Variants in NSG2 observed in about 807,000 individuals in gnomAD.
The protein encoded by NSG2 is neuronal vesicle trafficking associated 2, also known as neuronal vesicle trafficking-associated protein 2.
In NSG2, 4 loss-of-function variants were observed where a neutral mutation model predicts 16.9. That is an observed-to-expected ratio of 0.24 (90% CI 0.12 to 0.54). The LOEUF is 0.54. Ranked by LOEUF, NSG2 falls within the 20% of genes least tolerant of loss-of-function variation. NSG2 has a pLI of 0.95. For synonymous variants in NSG2, 98 were observed against 88.7 expected (o/e 1.11, Z -0.59); for missense variants, 179 against 221.1 (o/e 0.81, Z 1.21).
chr5:174,084,874 C>T (rs1201623008), intron 3 of NSG2, among the ~76,000 whole-genome samples: 3 of 152,208 alleles, frequency 2.0e-5, no homozygotes, highest in Non-Finnish European at 4.4e-5. Flanking sequence ...TCTCTGTGGC[C>T]TTGCAGGCTG....
At chr5:174,070,787 G>C (rs892352586) in intron 3 of NSG2, among the ~76,000 whole-genome samples, 2 of 152,110 alleles carry the variant, frequency 1.3e-5, no homozygotes, top group Non-Finnish European at 2.9e-5. Flanking sequence ...ACTGTCCTCT[G>C]CCTGGCCTAT....
intron 3 of NSG2, among the ~76,000 whole-genome samples, chr5:174,065,308 A>T (rs575692117): frequency 6.6e-6 from 1 of 151,222 alleles, no homozygotes; most frequent in South Asian, 2.1e-4. Context: ...AGCCTGGATG[A>T]CAGAGCAAGA....
At chr5:174,092,799 C>T (rs1050899458) in intron 3 of NSG2, among the ~76,000 whole-genome samples, 5 of 152,046 alleles carry the variant, frequency 3.3e-5, no homozygotes, top group East Asian at 1.9e-4. Context: ...GGCCCAGACT[C>T]GGCACGTGAG....
chr5:174,102,272 C>T (rs971732966), intron 3 of NSG2, among the ~76,000 whole-genome samples: 2 of 152,188 alleles, frequency 1.3e-5, no homozygotes, highest in African/African-American at 4.8e-5. Flanking sequence ...CAACAGACAA[C>T]TCCATATTTT....
chr5:174,057,519 T>C (rs1158026517), intron 2 of NSG2, among the ~76,000 whole-genome samples: 1 of 152,246 alleles, frequency 6.6e-6, no homozygotes, highest in African/African-American at 2.4e-5. Flanking sequence ...TCTAGCTGGC[T>C]GGTTGTAGTG....
At chr5:174,046,655 C>A in intron 1 of NSG2, 79 bp from the exon 2 acceptor site, 1 of 1,307,698 alleles carries the variant, frequency 7.6e-7, no homozygotes, top group Non-Finnish European at 1.1e-6. Flanking sequence ...CTGTTGAGGA[C>A]AGTGCTATTT....
intron 4 of NSG2, 35 bp downstream of exon 4, chr5:174,104,373 A>T (rs764494568): frequency 6.2e-6 from 9 of 1,440,122 alleles, no homozygotes; most frequent in Non-Finnish European, 8.8e-6. Flanking sequence ...GGTCACTATC[A>T]AATTCAGTTA....
At position 174,080,809 on chromosome 5, in the gene NSG2, C is replaced by T. The variant is rs28612941; in HGVS notation, c.213+16494C>T. The stretch of plus-strand genomic sequence containing the variant: ...AATTCCTGATCTCAGGTGATCCGCC[C>T]GCCTTGGTCTCCCAAAGTGCTAGGA... On this transcript the variant is annotated intron_variant, in intron 3 of 4. Transcript: ENST00000303177. Among the ~76,000 whole-genome samples, 868 of 152,188 alleles carry T rather than the reference C, an allele frequency of 5.7e-3. 6 individuals carry two copies. The highest frequency in any genetic ancestry group is 0.02 in the African/African-American group (833 of 41,500).
chr5:174,088,948 C>T (rs1391341666), intron 3 of NSG2, among the ~76,000 whole-genome samples: 1 of 152,106 alleles, frequency 6.6e-6, no homozygotes, highest in Non-Finnish European at 1.5e-5. Flanking sequence ...TACTTCCTGG[C>T]CTGGGAACAT....
rs377712556 is a variant in NSG2 at position 174,073,528 on chromosome 5, T to C, written c.213+9213T>C. ...TATTTCACTTCTGGCCAGGGTTTTA[T>C]TGAAAATCAGACTGAAGATGCTGGC... On this transcript the variant is annotated intron_variant, in intron 3 of 4. Transcript: ENST00000303177. Among the ~76,000 whole-genome samples the C allele has an allele frequency of 1.1e-3, 161 of 152,328 alleles. No homozygotes were observed. The South Asian group carries it at 0.015, about 14-fold the overall frequency.
intron 3 of NSG2, among the ~76,000 whole-genome samples, chr5:174,091,692 G>A (rs1278174870): frequency 6.7e-6 from 1 of 149,870 alleles, no homozygotes; most frequent in Non-Finnish European, 1.5e-5. Context: ...TGTGTCTGGG[G>A]CAGGAACAAT....
At position 174,072,840 on chromosome 5, in the gene NSG2, CTG is replaced by C. The variant is rs748542427; in HGVS notation, c.213+8526_213+8527del. On this transcript the variant is annotated intron_variant, in intron 3 of 4. Coordinates refer to ENST00000303177, the MANE Select transcript of NSG2 (RefSeq NM_015980.5). The surrounding 1 kb of genome is among the most constrained non-coding windows in gnomAD (Gnocchi z 4.0). ...CTCTACAAAAAATGCAAAAAATTAA[CTG>C]GATGTGGTTATGCATGCCTGTGGTC... Among the ~76,000 whole-genome samples, 1 of 152,146 alleles carries C rather than the reference CTG, an allele frequency of 6.6e-6. No homozygotes were observed. Among genetic ancestry groups the C allele is most frequent in the Non-Finnish European group, 1.5e-5 (1 of 68,044 alleles).
At chr5:174,074,560 G>A (rs932851530) in intron 3 of NSG2, among the ~76,000 whole-genome samples, 18 of 152,042 alleles carry the variant, frequency 1.2e-4, no homozygotes, top group African/African-American at 2.9e-4. Flanking sequence ...ACCAGATTAC[G>A]TCATCAGATC....
At chr5:174,101,097 T>C (rs925658224) in intron 3 of NSG2, among the ~76,000 whole-genome samples, 1 of 152,188 alleles carries the variant, frequency 6.6e-6, no homozygotes, top group African/African-American at 2.4e-5. Context: ...CACTGTAGTC[T>C]GTGGATGAGC....
At chr5:174,054,710 A>G (rs10036246) in intron 2 of NSG2, among the ~76,000 whole-genome samples, 36,234 of 152,088 alleles carry the variant, frequency 0.24, 6,326 homozygotes, top group African/African-American at 0.49. Context: ...AATCACCCCC[A>G]TTTCACAGAC....
chr5:174,091,316 G>C (rs1195955127), intron 3 of NSG2: 1 of 152,518 alleles, frequency 6.6e-6, no homozygotes, highest in African/African-American at 2.4e-5. Context: ...GGAGCAACTA[G>C]ATGTGAGTTC....
At chr5:174,073,931 G>T (rs1449228130) in intron 3 of NSG2, among the ~76,000 whole-genome samples, 2 of 152,172 alleles carry the variant, frequency 1.3e-5, no homozygotes, top group African/African-American at 4.8e-5. Context: ...TGGGACTCCT[G>T]CAGGGGTGGG....
rs528791993 is a variant in NSG2, at chr5:174,060,669, A to G, written c.130-3563A>G. On this transcript the variant is annotated intron_variant, in intron 2 of 4. Coordinates refer to ENST00000303177, the MANE Select transcript of NSG2 (RefSeq NM_015980.5). ...CCAGGGTCTCATGAGCCCGAAATCA[A>G]GGTGTTGGCCAGGCTGCATTCCCAC... Among the ~76,000 whole-genome samples, 9 of 152,264 alleles carry G rather than the reference A, an allele frequency of 5.9e-5. No individual in the cohort carries two copies. The South Asian group carries it at 1.5e-3, about 25-fold the overall frequency.
intron 2 of NSG2, among the ~76,000 whole-genome samples, chr5:174,057,820 C>T (rs760918571): frequency 1.1e-4 from 16 of 152,130 alleles, no homozygotes; most frequent in Non-Finnish European, 1.9e-4. Flanking sequence ...GTGCTGGCCT[C>T]CCGGATGTCT....
Sources: gnomAD v4.1 joint callset for allele counts (sites outside exome capture counted in the v4.1 genomes callset) on GRCh38, gnomAD v4.1.1 for gene constraint, Gnocchi (gnomAD v3.1) non-coding constraint, MANE v1.5 for transcripts, NCBI Gene and HGNC (gene_info 2026-07-23, HGNC 2026-07-21) for gene names.